The following SHROOM3 variants were observed in gnomAD, a reference collection of about 807,000 sequenced individuals.
SHROOM3 encodes the protein shroom family member 3, also known as protein Shroom3.
In SHROOM3, 47 loss-of-function variants were observed where a neutral mutation model predicts 138.6. The ratio of observed to expected loss-of-function variants is 0.34; its 90% CI spans 0.27 to 0.43. The LOEUF (loss-of-function observed/expected upper bound fraction) is 0.43. Ranked by LOEUF, SHROOM3 falls within the 20% of genes least tolerant of loss-of-function variation. The pLI, the probability that SHROOM3 is intolerant of heterozygous loss-of-function variation, is 1.00. For missense variants in SHROOM3, 2,491 were observed against 2,596.5 expected, an observed-to-expected ratio of 0.96 and a Z score of 0.88; for synonymous variants, 1,062 against 1,063.3, an observed-to-expected ratio of 1.00 and a Z score of 0.02.
chr4:76,524,221 C>G (rs1395005518), intron 1 of SHROOM3, among the ~76,000 whole-genome samples: 1 of 152,130 alleles, frequency 6.6e-6, no homozygotes, highest in Non-Finnish European at 1.5e-5. Flanking sequence ...ATTGCAGATC[C>G]AGGAGAGCAG....
chr4:76,676,761 G>A (rs1174819463), intron 2 of SHROOM3, among the ~76,000 whole-genome samples: 2 of 151,996 alleles, frequency 1.3e-5, no homozygotes, highest in Non-Finnish European at 2.9e-5. Flanking sequence ...GGCTAACACA[G>A]TGAAACCCTG....
chr4:76,661,496 C>T (rs1736186293), intron 2 of SHROOM3, among the ~76,000 whole-genome samples: 1 of 151,934 alleles, frequency 6.6e-6, no homozygotes, highest in Non-Finnish European at 1.5e-5. Flanking sequence ...TCCCAAAGCG[C>T]TGGGTGGGAT....
In SHROOM3 at chr4:76,643,881, G is replaced by A. The variant is rs138549268; in HGVS notation, c.324-66275G>A. 8.6e-3 allele frequency among the ~76,000 whole-genome samples: 1,312 copies of A among 151,944 alleles called. 21 individuals are homozygous for A. The highest frequency in any genetic ancestry group is 0.03 in the African/African-American group (1,237 of 41,404). ...TAATCTGAGACGGAGTTTTGCTCTT[G>A]TTGCCCAGGCTGGAGCGTAATGGCA... On this transcript the variant is annotated intron_variant, in intron 2 of 10. Transcript: ENST00000296043.
chr4:76,594,941 G>A (rs916727376), intron 2 of SHROOM3, among the ~76,000 whole-genome samples: 69 of 152,196 alleles, frequency 4.5e-4, no homozygotes, highest in African/African-American at 1.6e-3. Flanking sequence ...AAGGAAGCTT[G>A]TGAAATCCAA....
At chr4:76,440,971 T>C (rs967716440) in intron 1 of SHROOM3, among the ~76,000 whole-genome samples, 3 of 152,126 alleles carry the variant, frequency 2.0e-5, no homozygotes, top group Non-Finnish European at 4.4e-5. Flanking sequence ...CCACCAAGAC[T>C]TGACTCACTG....
chr4:76,573,337 T>A (rs915981853), intron 2 of SHROOM3, among the ~76,000 whole-genome samples: 3 of 149,860 alleles, frequency 2.0e-5, no homozygotes, highest in African/African-American at 7.3e-5. Context: ...TAGAAAAAAA[T>A]GTAGGTTCCT....
At chr4:76,473,538 G>A (rs1213079157) in intron 1 of SHROOM3, among the ~76,000 whole-genome samples, 1 of 152,072 alleles carries the variant, frequency 6.6e-6, no homozygotes, top group Admixed American at 6.5e-5. Context: ...AAGCCCAGCA[G>A]TTTAAAGTTG....
chr4:76,766,083 C>G (rs888100392), intron 9 of SHROOM3, among the ~76,000 whole-genome samples: 1 of 152,186 alleles, frequency 6.6e-6, no homozygotes, highest in Non-Finnish European at 1.5e-5. Context: ...GGCTCTGTCA[C>G]GTACCAGCTG....
chr4:76,546,744 C>T (rs561155141), intron 1 of SHROOM3, among the ~76,000 whole-genome samples: 4 of 152,264 alleles, frequency 2.6e-5, no homozygotes, highest in South Asian at 2.1e-4. Flanking sequence ...TTCCTCAAAC[C>T]GCCAACTTCA....
intron 1 of SHROOM3, among the ~76,000 whole-genome samples, chr4:76,548,695 CAATT>C (rs1733279820): frequency 6.6e-6 from 1 of 151,806 alleles, no homozygotes; most frequent in African/African-American, 2.4e-5. Flanking sequence ...AGGCTGTAAA[CAATT>C]AAAAAATCAA....
At chr4:76,677,125 C>A (rs1268249872) in intron 2 of SHROOM3, among the ~76,000 whole-genome samples, 3 of 152,118 alleles carry the variant, frequency 2.0e-5, no homozygotes, top group Admixed American at 6.5e-5. Flanking sequence ...CTTTGTCCAT[C>A]CCCCATTAGA....
At chr4:76,656,453 C>T (rs1736066830) in intron 2 of SHROOM3, among the ~76,000 whole-genome samples, 1 of 152,172 alleles carries the variant, frequency 6.6e-6, no homozygotes. Context: ...GTTAAATGCC[C>T]TTGGACTATA....
chr4:76,511,256 G>A (rs1193663497), intron 1 of SHROOM3, among the ~76,000 whole-genome samples: 5 of 152,132 alleles, frequency 3.3e-5, no homozygotes, highest in African/African-American at 1.2e-4. Flanking sequence ...AACACAAGGT[G>A]GCAGCAAAAG....
intron 2 of SHROOM3, among the ~76,000 whole-genome samples, chr4:76,648,324 T>C (rs565639670): frequency 6.9e-4 from 105 of 152,272 alleles, no homozygotes; most frequent in African/African-American, 2.1e-3. Context: ...TGATATCTTA[T>C]CTTTAAAAAA....
rs541820915 is a variant in SHROOM3, at chr4:76,740,694, C to A, written c.2521C>A (p.Leu841Ile). 3.1e-6 allele frequency: 5 copies of A among 1,614,022 alleles called. No homozygotes were observed. In the South Asian group the frequency reaches 5.5e-5, roughly 18 times the overall value. Residue 841 changes from leucine (L) to isoleucine (I), a missense_variant, in exon 5 of 11, where the codon CTA (leucine) becomes ATA (isoleucine). Transcript: ENST00000296043. This position sits in a 1 kb window ranked among gnomAD's most constrained non-coding sequence, Gnocchi z 4.0. ...HIRFSESAEP[L>I]GNGEQHFKNG... ...TCGTTTCTCTGAGTCAGCTGAACCCCTAGGCAACGGGGAGCAGCACTTCAA... is the reference window on the plus strand; with the variant it reads ...TCGTTTCTCTGAGTCAGCTGAACCCATAGGCAACGGGGAGCAGCACTTCAA...
intron 2 of SHROOM3, among the ~76,000 whole-genome samples, chr4:76,695,604 A>G (rs1157561785): frequency 6.6e-6 from 1 of 152,252 alleles, no homozygotes; most frequent in Non-Finnish European, 1.5e-5. Flanking sequence ...TGCTGATTTA[A>G]TGAAGACGAA....
rs376718092 is a variant in SHROOM3, at chr4:76,770,846, G to A, written c.5570G>A (p.Arg1857His). Residue 1857 changes from arginine to histidine, a missense_variant, in exon 10 of 11, where the codon CGT (arginine) becomes CAT (histidine). Around this residue, in one of 4 missense-constraint regions of SHROOM3, gnomAD observed 470 missense variants for 595.0 expected, o/e 0.79. Transcript: ENST00000296043. Reference sequence around the variant, plus strand: ...CTCTCCCTCTCGGGGCGTCTAGCCCGTGTTGAGAATGTCCTTAGCGGCCTT... The same window carrying A: ...CTCTCCCTCTCGGGGCGTCTAGCCCATGTTGAGAATGTCCTTAGCGGCCTT... ...LLLSLSGRLA[R>H]VENVLSGLGE... The A allele has an allele frequency of 3.5e-5, 57 of 1,614,126 alleles. No individual in the cohort carries two copies. The highest frequency in any genetic ancestry group is 2.2e-4 in the Admixed American group (13 of 60,008).
chr4:76,553,242 A>T (rs959062267), intron 1 of SHROOM3, among the ~76,000 whole-genome samples: 1 of 151,756 alleles, frequency 6.6e-6, no homozygotes, highest in African/African-American at 2.4e-5. Context: ...GGCCCACTGC[A>T]CCTCCACCTC....
intron 2 of SHROOM3, among the ~76,000 whole-genome samples, chr4:76,616,955 T>C (rs1302857985): frequency 1.3e-5 from 2 of 152,224 alleles, no homozygotes; most frequent in Admixed American, 1.3e-4. Context: ...ATAAAAGAGA[T>C]ACAAAATGTG....
Sources: allele counts gnomAD v4.1 joint callset (sites outside exome capture counted in the v4.1 genomes callset), GRCh38; gene constraint gnomAD v4.1.1; regional missense constraint gnomAD v4.1.1; non-coding constraint Gnocchi (gnomAD v3.1); transcripts MANE v1.5; gene names NCBI Gene and HGNC (gene_info 2026-07-23, HGNC 2026-07-21).